The following ELMO1 variants were observed in gnomAD, a reference collection of about 807,000 sequenced individuals.
ELMO1 encodes engulfment and cell motility 1, also known as engulfment and cell motility protein 1.
ELMO1 carries 26 observed loss-of-function variants against 98.9 expected under a neutral mutation model. The ratio of observed to expected loss-of-function variants is 0.26; its 90% CI spans 0.19 to 0.36. ELMO1 has a LOEUF of 0.36. Ranked by LOEUF, ELMO1 falls within the 10% of genes least tolerant of loss-of-function variation. ELMO1 has a pLI of 1.00. For synonymous variants in ELMO1, 346 were observed against 346.0 expected (o/e 1.00, Z 0.00); for missense variants, 627 against 935.2 (o/e 0.67, Z 4.30).
chr7:36,899,054 C>T (rs973124982), intron 16 of ELMO1, among the ~76,000 whole-genome samples: 2 of 152,116 alleles, frequency 1.3e-5, no homozygotes, highest in African/African-American at 4.8e-5. Context: ...CAGCAGCAGC[C>T]TGAGTGAAGG....
chr7:37,307,230 A>C (rs1171418435), intron 4 of ELMO1, among the ~76,000 whole-genome samples: 4 of 152,152 alleles, frequency 2.6e-5, no homozygotes. Flanking sequence ...TCTCCACCCA[A>C]ATCTCATCTT....
At chr7:37,305,854 AAAC>A in intron 4 of ELMO1, among the ~76,000 whole-genome samples, 1 of 152,348 alleles carries the variant, frequency 6.6e-6, no homozygotes, top group Non-Finnish European at 1.5e-5. Flanking sequence ...AGAAATAGTT[AAAC>A]AACAGTTCAA....
At chr7:36,914,616 T>C (rs936394107) in intron 16 of ELMO1, among the ~76,000 whole-genome samples, 7 of 151,502 alleles carry the variant, frequency 4.6e-5, no homozygotes, top group African/African-American at 9.7e-5. Context: ...CGTGTTCAAG[T>C]GATTCTTCTG....
chr7:37,223,015 T>G (rs963221430), intron 9 of ELMO1, among the ~76,000 whole-genome samples: 1 of 152,206 alleles, frequency 6.6e-6, no homozygotes, highest in Non-Finnish European at 1.5e-5. Flanking sequence ...AATAGATGTA[T>G]GTATGTCTGT....
At chr7:36,974,909 A>G (rs1048609290) in intron 16 of ELMO1, among the ~76,000 whole-genome samples, 1 of 151,974 alleles carries the variant, frequency 6.6e-6, no homozygotes, top group Non-Finnish European at 1.5e-5. Flanking sequence ...TGTAACACTC[A>G]CTGCGAACGT....
At chr7:36,966,590 T>C (rs1383460691) in intron 16 of ELMO1, among the ~76,000 whole-genome samples, 2 of 152,242 alleles carry the variant, frequency 1.3e-5, no homozygotes, top group African/African-American at 4.8e-5. Flanking sequence ...TACGTGTAAG[T>C]GATAAATGAT....
intron 1 of ELMO1, among the ~76,000 whole-genome samples, chr7:37,378,964 C>A (rs1212695402): frequency 2.0e-5 from 3 of 152,172 alleles, no homozygotes; most frequent in African/African-American, 7.2e-5. Flanking sequence ...TATCTTATTA[C>A]TTCCCTGCTC....
rs764165681 is a variant in ELMO1 at position 37,211,406 on chromosome 7, A to G, written c.1066T>C (p.Tyr356His). ...EKRKSMYTRDYKKLGFINHVN... is the reference protein window; with the variant it reads ...EKRKSMYTRDHKKLGFINHVN... Reference sequence around the variant, plus strand: ...CTTACAATGAACCCAAGCTTCTTATAATCTCGCGTGTACATGGACTTGCGT... The same window carrying G: ...CTTACAATGAACCCAAGCTTCTTATGATCTCGCGTGTACATGGACTTGCGT... The change falls in exon 13 of 22, where the codon TAT (tyrosine) becomes CAT (histidine). Residue 356 changes from tyrosine (Y) to histidine (H), a missense_variant. Physicochemically the swap from Tyr to His is moderately conservative, Grantham distance 83. Transcript: ENST00000310758. 6.2e-7 allele frequency: 1 copy of G among 1,614,036 alleles called. No individual in the cohort carries two copies.
intron 8 of ELMO1, 55 bp from the exon 9 acceptor site, chr7:37,225,085 TGGA>T: frequency 2.5e-6 from 4 of 1,601,976 alleles, no homozygotes; most frequent in Non-Finnish European, 1.7e-6. Flanking sequence ...AGCAGAGACG[TGGA>T]GAAGGGAACA....
At chr7:37,049,376 G>C (rs1052776166) in intron 15 of ELMO1, among the ~76,000 whole-genome samples, 14 of 152,276 alleles carry the variant, frequency 9.2e-5, no homozygotes, top group African/African-American at 3.4e-4. Context: ...AAAGGATTCT[G>C]CTTGGTGACC....
Position 36,855,419 on chromosome 7 carries a change from T to C in ELMO1, c.*132A>G, listed in dbSNP as rs1339256501. On this transcript the variant is annotated 3_prime_UTR_variant, in exon 22 of 22. Coordinates refer to ENST00000310758, the MANE Select transcript of ELMO1 (RefSeq NM_014800.11). The surrounding 1 kb of genome is among the most constrained non-coding windows in gnomAD (Gnocchi z 4.2). ...TGAAAGTTGCCAGGGCTAGAGGTGATGCTGAAGGGAATGTGGACCCACAGC... is the reference window on the plus strand; with the variant it reads ...TGAAAGTTGCCAGGGCTAGAGGTGACGCTGAAGGGAATGTGGACCCACAGC... 3 of 1,163,198 alleles carry C rather than the reference T, an allele frequency of 2.6e-6. No homozygotes were observed. Among genetic ancestry groups the C allele is most frequent in the Non-Finnish European group, 2.5e-6 (2 of 798,708 alleles). 72.1% of individuals were successfully genotyped at this position (1,163,198 alleles called of 1,614,324 possible). A position where few individuals can be genotyped will look rare whatever the true frequency, so the allele number is the denominator to read the frequency against.
At chr7:37,120,039 C>G (rs1198254156) in intron 14 of ELMO1, among the ~76,000 whole-genome samples, 2 of 152,160 alleles carry the variant, frequency 1.3e-5, no homozygotes, top group African/African-American at 4.8e-5. Flanking sequence ...CCAAGATTTA[C>G]TTTTAAATTT....
At chr7:37,321,091 A>G (rs1049221471) in intron 2 of ELMO1, among the ~76,000 whole-genome samples, 1 of 152,238 alleles carries the variant, frequency 6.6e-6, no homozygotes, top group Non-Finnish European at 1.5e-5. Context: ...ATCAGTAAGC[A>G]TGACCAAAGA....
chr7:36,986,365 C>A (rs1791507222), intron 16 of ELMO1: 2 of 629,320 alleles, frequency 3.2e-6, no homozygotes, highest in Admixed American at 6.3e-5. Context: ...GTGTCCTATG[C>A]TCTTTTGTCA....
chr7:37,195,117 C>T (rs1035244412), intron 13 of ELMO1, among the ~76,000 whole-genome samples: 7 of 152,212 alleles, frequency 4.6e-5, no homozygotes, highest in African/African-American at 1.7e-4. Context: ...CCAGCAGGCT[C>T]CCTGTGTCTA....
chr7:37,201,292 T>C (rs961565808), intron 13 of ELMO1, among the ~76,000 whole-genome samples: 2 of 152,240 alleles, frequency 1.3e-5, no homozygotes, highest in Non-Finnish European at 2.9e-5. Flanking sequence ...ATTTTAATAA[T>C]GGGACAGTAC....
chr7:37,010,787 A>G (rs1793489467), intron 16 of ELMO1, among the ~76,000 whole-genome samples: 1 of 152,250 alleles, frequency 6.6e-6, no homozygotes, highest in African/African-American at 2.4e-5. Context: ...CAGCAACAGA[A>G]AAGTTATATA....
In ELMO1 at chr7:37,315,950, A is replaced by G; in HGVS notation, c.89T>C (p.Leu30Pro). 1 of 1,600,578 alleles carries G rather than the reference A, an allele frequency of 6.2e-7. No homozygotes were observed. Among genetic ancestry groups the G allele is most frequent in the Middle Eastern group, 1.7e-4 (1 of 6,034 alleles). Residue 30 changes from leucine (L) to proline (P), a missense_variant, in exon 3 of 22, where the codon CTG becomes CCG. This residue lies in a region of ELMO1 where 123 missense variants were observed against 171.2 expected (regional missense o/e 0.72). Transcript: ENST00000310758. ...ACAGACTTCCTTTATTATTGCAGAC[A>G]GTGGTTTTTTCTGCAAAATAACAAA... ...KLMEIDQKKP[L>P]SAIIKEVCDG...
At chr7:37,416,526 G>A (rs1325421612) in intron 1 of ELMO1, among the ~76,000 whole-genome samples, 1 of 152,154 alleles carries the variant, frequency 6.6e-6, no homozygotes, top group African/African-American at 2.4e-5. Context: ...ACAGACCACA[G>A]TATGAATGAT....
Sources: allele counts gnomAD v4.1 joint callset (sites outside exome capture counted in the v4.1 genomes callset), GRCh38; gene constraint gnomAD v4.1.1; regional missense constraint gnomAD v4.1.1; non-coding constraint Gnocchi (gnomAD v3.1); transcripts MANE v1.5; gene names NCBI Gene and HGNC (gene_info 2026-07-23, HGNC 2026-07-21).